The following PRIM2 variants were observed in gnomAD, a reference collection of about 807,000 sequenced individuals.
PRIM2 encodes the protein DNA primase large subunit.
In PRIM2, 39 loss-of-function variants were observed where a neutral mutation model predicts 67.3. The ratio of observed to expected loss-of-function variants is 0.58; its 90% CI spans 0.45 to 0.76. The LOEUF is 0.76. Ranked by LOEUF, PRIM2 falls within the 30% of genes least tolerant of loss-of-function variation. PRIM2 has a pLI of 0.00. For missense variants in PRIM2, 398 were observed against 598.7 expected, an observed-to-expected ratio of 0.66 and a Z score of 3.50; for synonymous variants, 143 against 198.7, an observed-to-expected ratio of 0.72 and a Z score of 2.36.
At chr6:57,402,400 G>C (rs927279225) in intron 7 of PRIM2, among the ~76,000 whole-genome samples, 16 of 152,162 alleles carry the variant, frequency 1.1e-4, no homozygotes, top group African/African-American at 3.9e-4. Flanking sequence ...CATAACCCTG[G>C]TCCTCAAGAA....
chr6:57,323,079 A>AC (rs1436495078), intron 3 of PRIM2, among the ~76,000 whole-genome samples: 5 of 143,246 alleles, frequency 3.5e-5, no homozygotes, highest in African/African-American at 1.4e-4. Context: ...CCTCCCTCAT[A>AC]GGGTTTTTTT....
intron 10 of PRIM2, among the ~76,000 whole-genome samples, chr6:57,538,100 C>G (rs1455836717): frequency 1.3e-5 from 2 of 151,728 alleles, no homozygotes; most frequent in African/African-American, 4.8e-5. Context: ...ACTGCAGCCT[C>G]GACCTTTGGG....
At chr6:57,333,422 A>G (rs1768122274) in intron 5 of PRIM2, among the ~76,000 whole-genome samples, 1 of 152,106 alleles carries the variant, frequency 6.6e-6, no homozygotes, top group Non-Finnish European at 1.5e-5. Context: ...TATTCTTTGC[A>G]TGTAACTTTG....
the PRIM2 span, among the ~76,000 whole-genome samples, chr6:57,296,537 A>G: frequency 2.0e-5 from 3 of 152,040 alleles, no homozygotes; most frequent in Non-Finnish European, 4.4e-5. Context: ...AATTGTATGT[A>G]TATATAGAGA....
chr6:57,612,037 C>T (rs1393950763), intron 12 of PRIM2, among the ~76,000 whole-genome samples: 5 of 151,958 alleles, frequency 3.3e-5, no homozygotes, highest in Admixed American at 6.6e-5. Context: ...CAATGAATAC[C>T]ATGATATGCC....
rs1367095270 is a variant in PRIM2 at position 57,645,985 on chromosome 6, C to T, written c.1357C>T (p.Arg453Cys). Reference protein sequence around the residue: ...HPNQFFCESQRILNGGKDIKK... With the variant: ...HPNQFFCESQCILNGGKDIKK... ...TAATCAGTTCTTTTGTGAGAGCCAA[C>T]GTATTCTAAATGGTGGTAAAGACAT... is the stretch of plus-strand genomic sequence containing the variant. The change falls in exon 14 of 14, where the codon CGT (arginine) becomes TGT (cysteine). Residue 453 changes from arginine to cysteine, a missense_variant. Physicochemically the swap from Arg to Cys is radical, Grantham distance 180 (BLOSUM62 -3). Coordinates refer to ENST00000615550, the MANE Select transcript of PRIM2 (RefSeq NM_000947.5). 1.0e-5 allele frequency: 16 copies of T among 1,607,394 alleles called. No individual in the cohort carries two copies. Among genetic ancestry groups the T allele is most frequent in the East Asian group, 6.7e-5 (3 of 44,824 alleles).
the PRIM2 span, among the ~76,000 whole-genome samples, chr6:57,267,267 A>G: frequency 6.6e-6 from 1 of 152,136 alleles, no homozygotes; most frequent in Non-Finnish European, 1.5e-5. Flanking sequence ...TTTTTTTGGT[A>G]TTCATTATCT....
intron 7 of PRIM2, among the ~76,000 whole-genome samples, chr6:57,480,487 T>G (rs1183854295): frequency 6.6e-6 from 1 of 152,232 alleles, no homozygotes; most frequent in Non-Finnish European, 1.5e-5. Context: ...TGTGTGCTTG[T>G]GTATGTGAGT....
intron 13 of PRIM2, among the ~76,000 whole-genome samples, chr6:57,642,687 C>T (rs1360912923): frequency 6.6e-6 from 1 of 151,942 alleles, no homozygotes; most frequent in African/African-American, 2.4e-5. Flanking sequence ...GTGATCCGCC[C>T]GTCTCGGCCT....
intron 7 of PRIM2, among the ~76,000 whole-genome samples, chr6:57,500,180 G>A (rs1554346737): frequency 0.014 from 2,105 of 152,052 alleles, 22 homozygotes; most frequent in Non-Finnish European, 0.02. Flanking sequence ...CTTCCTTTCT[G>A]TCCCTACTGC....
At chr6:57,456,370 C>G (rs1484300319) in intron 7 of PRIM2, among the ~76,000 whole-genome samples, 1 of 152,176 alleles carries the variant, frequency 6.6e-6, no homozygotes, top group Non-Finnish European at 1.5e-5. Context: ...GGATAATATC[C>G]TGCAGAGTGT....
At chr6:57,248,021 G>C in the PRIM2 span, among the ~76,000 whole-genome samples, 1 of 152,148 alleles carries the variant, frequency 6.6e-6, no homozygotes, top group Non-Finnish European at 1.5e-5. Flanking sequence ...ATTGGATCAG[G>C]TACTAATGAT....
chr6:57,424,770 T>G (rs1771566766), intron 7 of PRIM2, among the ~76,000 whole-genome samples: 1 of 152,218 alleles, frequency 6.6e-6, no homozygotes, highest in Non-Finnish European at 1.5e-5. Flanking sequence ...TTATTCCACC[T>G]GAAGCTAGAA....
the PRIM2 span, among the ~76,000 whole-genome samples, chr6:57,223,431 A>G: frequency 6.6e-6 from 1 of 152,072 alleles, no homozygotes; most frequent in African/African-American, 2.4e-5. Context: ...TTCAAGCTGT[A>G]CTCTTATGCA....
At chr6:57,534,303 G>A (rs1410202504) in intron 9 of PRIM2, among the ~76,000 whole-genome samples, 3 of 151,688 alleles carry the variant, frequency 2.0e-5, no homozygotes, top group Non-Finnish European at 2.9e-5. Flanking sequence ...GTTGCTATTC[G>A]ACCCCCTCCC....
chr6:57,532,389 A>T (rs1774910658), intron 8 of PRIM2, 22 bp from the exon 9 acceptor site: 3 of 1,096,714 alleles, frequency 2.7e-6, no homozygotes, highest in South Asian at 1.8e-5. Context: ...CTGTTTTAAT[A>T]TTTTTTTTTC....
intron 7 of PRIM2, among the ~76,000 whole-genome samples, chr6:57,464,053 TCTCAGTTAGCTAACTCCTA>T (rs1773101947): frequency 6.6e-6 from 1 of 152,124 alleles, no homozygotes; most frequent in South Asian, 2.1e-4. Context: ...GTGGCACCTC[TCTCAGTTAGCTAACTCCTA>T]CTCACTTTCC....
chr6:57,386,027 G>T (rs1249081153), intron 7 of PRIM2, among the ~76,000 whole-genome samples: 1 of 151,862 alleles, frequency 6.6e-6, no homozygotes, highest in Non-Finnish European at 1.5e-5. Context: ...ATGTGTTTAG[G>T]AATGGAATTG....
At chr6:57,546,000 T>G (rs1775283492) in intron 10 of PRIM2, among the ~76,000 whole-genome samples, 1 of 152,220 alleles carries the variant, frequency 6.6e-6, no homozygotes, top group Non-Finnish European at 1.5e-5. Flanking sequence ...CTGGTCTTGT[T>G]GGGTAGGTAG....
Sources: allele counts gnomAD v4.1 joint callset (sites outside exome capture counted in the v4.1 genomes callset), GRCh38; gene constraint gnomAD v4.1.1; transcripts MANE v1.5; gene names NCBI Gene and HGNC (gene_info 2026-07-23, HGNC 2026-07-21).